The following PPM1E variants were observed in gnomAD, a reference collection of about 807,000 sequenced individuals.
PPM1E encodes protein phosphatase, Mg2+/Mn2+ dependent 1E.
PPM1E carries 20 observed loss-of-function variants against 65.9 expected under a neutral mutation model. That is an observed-to-expected ratio of 0.30 (90% CI 0.21 to 0.44). The LOEUF (loss-of-function observed/expected upper bound fraction) is 0.44. Among genes scored for constraint, PPM1E ranks in the 20% least tolerant of loss-of-function variants. The pLI, the probability that PPM1E is intolerant of heterozygous loss-of-function variation, is 1.00. For synonymous variants in PPM1E, 352 were observed against 374.9 expected, an observed-to-expected ratio of 0.94 and a Z score of 0.70; for missense variants, 713 against 953.1, an observed-to-expected ratio of 0.75 and a Z score of 3.32.
intron 1 of PPM1E, among the ~76,000 whole-genome samples, chr17:58,804,892 A>C (rs1486383407): frequency 6.6e-6 from 1 of 152,086 alleles, no homozygotes; most frequent in African/African-American, 2.4e-5. Context: ...GAACATTTCA[A>C]ATTCTCTGTT....
intron 1 of PPM1E, among the ~76,000 whole-genome samples, chr17:58,836,746 G>A (rs930047414): frequency 6.7e-6 from 1 of 150,296 alleles, no homozygotes; most frequent in Non-Finnish European, 1.5e-5. Context: ...TATTGGCCGG[G>A]CGCGGTGGCT....
intron 1 of PPM1E, among the ~76,000 whole-genome samples, chr17:58,788,490 G>A (rs2050126418): frequency 6.6e-6 from 1 of 152,212 alleles, no homozygotes; most frequent in South Asian, 2.1e-4. Context: ...TGTGAGGGAA[G>A]AAGGTACATT....
At chr17:58,764,246 A>G (rs2049851574) in intron 1 of PPM1E, among the ~76,000 whole-genome samples, 2 of 152,226 alleles carry the variant, frequency 1.3e-5, no homozygotes, top group East Asian at 1.9e-4. Context: ...ACCATAACAA[A>G]CAATTTTGTT....
chr17:58,958,072 G>A (rs942853412), intron 2 of PPM1E, among the ~76,000 whole-genome samples: 2 of 152,176 alleles, frequency 1.3e-5, no homozygotes, highest in African/African-American at 2.4e-5. Context: ...GAGCCCAGGA[G>A]TTCAAGGTTA....
chr17:58,759,037 A>G (rs188604049), intron 1 of PPM1E, among the ~76,000 whole-genome samples: 9 of 152,072 alleles, frequency 5.9e-5, no homozygotes, highest in African/African-American at 2.2e-4. Context: ...ACTGCTGTCC[A>G]TTCCAGCCTG....
chr17:58,929,539 G>A (rs538941915), intron 1 of PPM1E, among the ~76,000 whole-genome samples: 1 of 152,258 alleles, frequency 6.6e-6, no homozygotes, highest in African/African-American at 2.4e-5. Context: ...GCTTTAATAT[G>A]CATGAGAAAT....
chr17:58,860,712 G>A (rs1377055496), intron 1 of PPM1E, among the ~76,000 whole-genome samples: 1 of 152,188 alleles, frequency 6.6e-6, no homozygotes. Context: ...GGGAGGCCGA[G>A]GCGGGCAGAC....
chr17:58,837,684 G>A (rs2050677109), intron 1 of PPM1E, among the ~76,000 whole-genome samples: 2 of 151,994 alleles, frequency 1.3e-5, no homozygotes, highest in African/African-American at 4.8e-5. Context: ...TTTTAGTAGA[G>A]ACAGGGTTTC....
At chr17:58,888,959 G>A (rs1446647709) in intron 1 of PPM1E, among the ~76,000 whole-genome samples, 1 of 152,044 alleles carries the variant, frequency 6.6e-6, no homozygotes, top group Non-Finnish European at 1.5e-5. Flanking sequence ...CATGACTTCA[G>A]GGTCTATGTG....
At position 58,955,569 on chromosome 17, in the gene PPM1E, AAT is replaced by A. The variant is rs774253830; in HGVS notation, c.465-77_465-76del. 52 of 1,461,308 alleles carry A rather than the reference AAT, an allele frequency of 3.6e-5. No homozygotes were observed. In the African/African-American group the frequency reaches 7.2e-4, roughly 20 times the overall value. 90.5% of individuals were successfully genotyped at this position (1,461,308 alleles called of 1,614,324 possible). A position where few individuals can be genotyped will look rare whatever the true frequency, so the allele number is the denominator to read the frequency against. The stretch of plus-strand genomic sequence containing the variant: ...TTTGTTTTGAGACAATGTTATAATT[AAT>A]ATGTAATTATTATAACGTTAAATGT... On this transcript the variant is annotated intron_variant, in intron 1 of 6. Transcript: ENST00000308249.
intron 5 of PPM1E, 100 bp from the exon 6 acceptor site, chr17:58,972,732 T>G: frequency 9.4e-7 from 1 of 1,069,464 alleles, no homozygotes; most frequent in South Asian, 1.3e-5. Context: ...AGAGAACCTT[T>G]TCATGAGCTG....
chr17:58,926,707 A>T (rs1319742077), intron 1 of PPM1E, among the ~76,000 whole-genome samples: 2 of 152,042 alleles, frequency 1.3e-5, no homozygotes, highest in Admixed American at 6.6e-5. Flanking sequence ...TTAAATTACT[A>T]TTTGTATGGC....
chr17:58,930,659 C>T (rs929494878), intron 1 of PPM1E, among the ~76,000 whole-genome samples: 5 of 151,152 alleles, frequency 3.3e-5, no homozygotes, highest in Non-Finnish European at 7.4e-5. Context: ...AATAAGTAAA[C>T]GAAAAAAATT....
intron 2 of PPM1E, among the ~76,000 whole-genome samples, chr17:58,962,919 C>CA (rs1033058367): frequency 4.6e-5 from 7 of 151,094 alleles, no homozygotes; most frequent in South Asian, 4.2e-4. Context: ...ATCTTAACAA[C>CA]AAAAAAAATT....
intron 1 of PPM1E, among the ~76,000 whole-genome samples, chr17:58,872,633 C>G (rs184589178): frequency 3.3e-4 from 50 of 152,260 alleles, no homozygotes; most frequent in Non-Finnish European, 4.9e-4. Context: ...GCTGAAGGGT[C>G]AGAGTTCTGT....
chr17:58,973,396 G>A (rs1168714237), intron 6 of PPM1E, among the ~76,000 whole-genome samples: 1 of 146,414 alleles, frequency 6.8e-6, no homozygotes, highest in Non-Finnish European at 1.5e-5. Context: ...CAGCCTGGGT[G>A]ACAGTGTGAG....
chr17:58,955,482 A>G, intron 1 of PPM1E, 167 bp from the exon 2 acceptor site: 1 of 735,454 alleles, frequency 1.4e-6, no homozygotes, highest in Non-Finnish European at 2.3e-6. Flanking sequence ...GCATCAATAT[A>G]TATCCAGTGC....
At chr17:58,851,226 T>G (rs2050823132) in intron 1 of PPM1E, among the ~76,000 whole-genome samples, 1 of 152,194 alleles carries the variant, frequency 6.6e-6, no homozygotes, top group African/African-American at 2.4e-5. Context: ...TCGAACACCC[T>G]CCTGTAGCTC....
intron 1 of PPM1E, among the ~76,000 whole-genome samples, chr17:58,790,748 C>T (rs2050149793): frequency 6.6e-6 from 1 of 152,146 alleles, no homozygotes; most frequent in South Asian, 2.1e-4. Flanking sequence ...TCAACTGGTC[C>T]TGTGAGTGAC....
Sources: allele counts gnomAD v4.1 joint callset (sites outside exome capture counted in the v4.1 genomes callset), GRCh38; gene constraint gnomAD v4.1.1; transcripts MANE v1.5; gene names NCBI Gene and HGNC (gene_info 2026-07-23, HGNC 2026-07-21).